The following FARP1 variants were observed in gnomAD, a reference collection of about 807,000 sequenced individuals.
FARP1 encodes FERM, ARH/RhoGEF and pleckstrin domain protein 1.
In FARP1, 52 loss-of-function variants were observed where a neutral mutation model predicts 128.8. That is an observed-to-expected ratio of 0.40 (90% CI 0.32 to 0.51). FARP1 has a LOEUF of 0.51. Among genes scored for constraint, FARP1 ranks in the 20% least tolerant of loss-of-function variants. The pLI, the probability that FARP1 is intolerant of heterozygous loss-of-function variation, is 0.45. For synonymous variants in FARP1, 580 were observed against 551.8 expected, an observed-to-expected ratio of 1.05 and a Z score of -0.72; for missense variants, 1,333 against 1,367.9, an observed-to-expected ratio of 0.97 and a Z score of 0.40.
At chr13:98,237,443 G>A (rs1382996705) in intron 2 of FARP1, among the ~76,000 whole-genome samples, 1 of 152,182 alleles carries the variant, frequency 6.6e-6, no homozygotes, top group Non-Finnish European at 1.5e-5. Flanking sequence ...ATTAACTGTA[G>A]TAACACTATA....
chr13:98,185,109 T>C (rs1419270014), intron 1 of FARP1, among the ~76,000 whole-genome samples: 1 of 152,330 alleles, frequency 6.6e-6, no homozygotes, highest in South Asian at 2.1e-4. Context: ...CAATCACAGA[T>C]AGATAAAAGT....
chr13:98,217,556 C>T (rs557179050), intron 2 of FARP1, among the ~76,000 whole-genome samples: 3 of 152,324 alleles, frequency 2.0e-5, no homozygotes, highest in Non-Finnish European at 4.4e-5. Context: ...AGCATTCATC[C>T]TTTGCCTGAG....
At chr13:98,440,586 C>G in intron 23 of FARP1, 84 bp from the exon 24 acceptor site, 2 of 1,438,964 alleles carry the variant, frequency 1.4e-6, no homozygotes, top group East Asian at 2.3e-5. Flanking sequence ...TGTGAGCCCC[C>G]CAACCTTCCA....
intron 2 of FARP1, among the ~76,000 whole-genome samples, chr13:98,222,387 TGCTAA>T (rs1228593051): frequency 6.6e-6 from 1 of 152,204 alleles, no homozygotes; most frequent in Non-Finnish European, 1.5e-5. Flanking sequence ...TCTCATTTGT[TGCTAA>T]GTGAACCTGT....
intron 2 of FARP1, among the ~76,000 whole-genome samples, chr13:98,246,986 G>A (rs1883102612): frequency 6.6e-6 from 1 of 152,226 alleles, no homozygotes; most frequent in South Asian, 2.1e-4. Context: ...AGCACTTTGG[G>A]AGGCCAAGGT....
intron 6 of FARP1, chr13:98,383,871 C>T (rs1336222349): frequency 6.6e-6 from 1 of 152,184 alleles, no homozygotes; most frequent in Non-Finnish European, 1.5e-5. Flanking sequence ...GCAATCTGAT[C>T]TGTTATTTCT....
intron 24 of FARP1, among the ~76,000 whole-genome samples, chr13:98,443,430 C>T (rs1378207027): frequency 1.6e-4 from 24 of 152,220 alleles, no homozygotes; most frequent in Admixed American, 3.9e-4. Context: ...ATGTGCCAGA[C>T]GCCAAATGCT....
chr13:98,420,222 T>C lies in FARP1; in HGVS notation c.1827-4350T>C, dbSNP rs143390715. 3.1e-3 allele frequency among the ~76,000 whole-genome samples: 472 copies of C among 152,314 alleles called. 2 individuals carry two copies. Among genetic ancestry groups the C allele is most frequent in the African/African-American group, 0.011 (459 of 41,572 alleles). ...AGGAGGGCAAAGTATTGATTTATCC[T>C]GGCTGGCTTTGCCCCTGCCTGCGAC... is the stretch of plus-strand genomic sequence containing the variant. On this transcript the variant is annotated intron_variant, in intron 16 of 26. Transcript: ENST00000319562.
In FARP1 at chr13:98,440,226, C is replaced by A. The variant is rs752469865; in HGVS notation, c.2620C>A (p.Pro874Thr). The A allele has an allele frequency of 6.2e-7, 1 of 1,612,916 alleles. No individual in the cohort carries two copies. The highest frequency in any genetic ancestry group is 1.3e-5 in the African/African-American group (1 of 75,014). ...PAPEFLASSP[P>T]DNKSPDEATA... is the part of the protein sequence containing the mutation. ...CCCTGAGTTCCTGGCCAGCAGCCCC[C>A]CTGACAACAGTGAGTGTGGCCAGGG... The change falls in exon 23 of 27, where the codon CCT becomes ACT. Residue 874 changes from proline (P) to threonine (T), a missense_variant. Transcript: ENST00000319562.
rs1340066443 is a variant in FARP1 at position 98,440,591 on chromosome 13, C to T, written c.2630-79C>T. ...TTGTGACTGCTGTGAGCCCCCCAAC[C>T]TTCCAGCACCTCAGAGTGTATCAGG... On this transcript the variant is annotated intron_variant, in intron 23 of 26. Coordinates refer to ENST00000319562, the MANE Select transcript of FARP1 (RefSeq NM_005766.4). 3.4e-6 allele frequency: 5 copies of T among 1,473,336 alleles called. No individual in the cohort carries two copies. The East Asian group carries it at 9.2e-5, about 27-fold the overall frequency. 91.3% of individuals were successfully genotyped at this position (1,473,336 alleles called of 1,614,324 possible). A position where few individuals can be genotyped will look rare whatever the true frequency, so the allele number is the denominator to read the frequency against.
At chr13:98,244,659 A>G in intron 2 of FARP1, 1 of 1,614,258 alleles carries the variant, frequency 6.2e-7, no homozygotes, top group Non-Finnish European at 8.5e-7. Context: ...CTGGGCTGGA[A>G]GTAGAAGCTT....
chr13:98,175,440 C>T (rs1877934818), intron 1 of FARP1, among the ~76,000 whole-genome samples: 1 of 151,976 alleles, frequency 6.6e-6, no homozygotes, highest in Non-Finnish European at 1.5e-5. Context: ...GTTTTGGTAA[C>T]TCTTGAACCC....
chr13:98,175,277 C>A (rs1366400135), intron 1 of FARP1, among the ~76,000 whole-genome samples: 2 of 152,166 alleles, frequency 1.3e-5, no homozygotes, highest in East Asian at 3.8e-4. Flanking sequence ...CAGCGTGGAT[C>A]TGTTGGTGTT....
intron 5 of FARP1, among the ~76,000 whole-genome samples, chr13:98,376,273 C>G (rs984543661): frequency 2.6e-5 from 4 of 152,138 alleles, no homozygotes; most frequent in Non-Finnish European, 5.9e-5. Flanking sequence ...TCCCCACTCC[C>G]TCTACCTTTA....
At chr13:98,278,075 A>C (rs781276472) in intron 2 of FARP1, among the ~76,000 whole-genome samples, 9 of 152,180 alleles carry the variant, frequency 5.9e-5, no homozygotes, top group Non-Finnish European at 1.2e-4. Flanking sequence ...AATGGAGCTT[A>C]AGGGGAAGTA....
At chr13:98,234,440 T>C (rs1423269791) in intron 2 of FARP1, 2 of 152,228 alleles carry the variant, frequency 1.3e-5, no homozygotes, top group Non-Finnish European at 2.9e-5. Flanking sequence ...AATCATCTGG[T>C]GAAATTAATC....
intron 2 of FARP1, among the ~76,000 whole-genome samples, chr13:98,285,973 T>C (rs1423728627): frequency 6.6e-6 from 1 of 152,170 alleles, no homozygotes; most frequent in Non-Finnish European, 1.5e-5. Flanking sequence ...TCCCTCTGCA[T>C]GCAGACCTAT....
At chr13:98,166,348 A>AT (rs2139147246) in intron 1 of FARP1, among the ~76,000 whole-genome samples, 1 of 152,346 alleles carries the variant, frequency 6.6e-6, no homozygotes, top group East Asian at 1.9e-4. Context: ...AGATATTGCC[A>AT]TATTGCCCTC....
At chr13:98,231,053 A>G (rs1024220497) in intron 2 of FARP1, among the ~76,000 whole-genome samples, 2 of 152,100 alleles carry the variant, frequency 1.3e-5, no homozygotes, top group Admixed American at 1.3e-4. Context: ...TAAGGGGGGA[A>G]CTGCCCCCCC....
Sources: gnomAD v4.1 joint callset for allele counts (sites outside exome capture counted in the v4.1 genomes callset) on GRCh38, gnomAD v4.1.1 for gene constraint, MANE v1.5 for transcripts, NCBI Gene and HGNC (gene_info 2026-07-23, HGNC 2026-07-21) for gene names.